The following IKZF1 variants were observed in gnomAD, a reference collection of about 807,000 sequenced individuals.
The protein encoded by IKZF1 is DNA-binding protein Ikaros.
Under a neutral mutation model 51.7 loss-of-function variants are expected in IKZF1, and 10 were observed. The observed-to-expected ratio is 0.19, with a 90% CI of 0.12 to 0.33. The LOEUF is 0.33. IKZF1 is among the 10% of genes least tolerant of loss of function. The pLI is 1.00. For missense variants in IKZF1, 484 were observed against 707.5 expected (o/e 0.68, Z 3.58); for synonymous variants, 280 against 282.3 (o/e 0.99, Z 0.08).
chr7:50,340,627 C>T (rs1798860768), intron 3 of IKZF1, among the ~76,000 whole-genome samples: 1 of 152,200 alleles, frequency 6.6e-6, no homozygotes, highest in African/African-American at 2.4e-5. Context: ...TTCTTGGAAC[C>T]TGGCAGAATT....
intron 1 of IKZF1, among the ~76,000 whole-genome samples, chr7:50,314,362 G>A (rs758041740): frequency 6.6e-6 from 1 of 152,090 alleles, no homozygotes; most frequent in Non-Finnish European, 1.5e-5. Flanking sequence ...CGCCTGCCTC[G>A]GCCTCCCAAA....
At chr7:50,356,011 C>T (rs944405017) in intron 3 of IKZF1, among the ~76,000 whole-genome samples, 4 of 152,206 alleles carry the variant, frequency 2.6e-5, no homozygotes, top group Admixed American at 6.5e-5. Context: ...ACAGAAAATG[C>T]CACAGATGGG....
At position 50,350,215 on chromosome 7, in the gene IKZF1, G is replaced by C. The variant is rs142644210; in HGVS notation, c.160+22458G>C. Among the ~76,000 whole-genome samples the C allele has an allele frequency of 1.4e-3, 220 of 152,342 alleles. 8 individuals carry two copies. The highest frequency in any genetic ancestry group is 0.013 in the Admixed American group (202 of 15,304). ...ATGCTGTATCCTTGAAGGGACCGTGGTCTGACATCCTGTGATGCAGACCTG... is the reference window on the plus strand; with the variant it reads ...ATGCTGTATCCTTGAAGGGACCGTGCTCTGACATCCTGTGATGCAGACCTG... On this transcript the variant is annotated intron_variant, in intron 3 of 7. Coordinates refer to ENST00000331340, the MANE Select transcript of IKZF1 (RefSeq NM_006060.6).
chr7:50,309,401 C>T (rs2153330522), intron 1 of IKZF1, among the ~76,000 whole-genome samples: 1 of 152,140 alleles, frequency 6.6e-6, no homozygotes, highest in South Asian at 2.1e-4. Context: ...TTTTTTCCTC[C>T]CTTGTCTTCT....
chr7:50,325,069 G>A (rs1413213929), intron 2 of IKZF1, among the ~76,000 whole-genome samples: 1 of 152,026 alleles, frequency 6.6e-6, no homozygotes, highest in Admixed American at 6.6e-5. Context: ...TTTACTCATT[G>A]GGATAGCATG....
chr7:50,378,766 A>T (rs145877818), intron 4 of IKZF1, among the ~76,000 whole-genome samples: 5 of 152,320 alleles, frequency 3.3e-5, no homozygotes, highest in African/African-American at 4.8e-5. Context: ...TTACGGAACA[A>T]ATAACTTTCA....
chr7:50,340,494 C>T (rs1798836425), intron 3 of IKZF1, among the ~76,000 whole-genome samples: 4 of 152,354 alleles, frequency 2.6e-5, no homozygotes, highest in Admixed American at 2.0e-4. Flanking sequence ...AGCCCAGTGG[C>T]AGATGTGGCT....
intron 2 of IKZF1, among the ~76,000 whole-genome samples, chr7:50,327,163 T>C (rs1237018836): frequency 3.3e-5 from 5 of 152,220 alleles, no homozygotes; most frequent in Non-Finnish European, 5.9e-5. Context: ...TATTAGGATG[T>C]TCATTACAGT....
chr7:50,391,805 G>A lies in IKZF1; in HGVS notation c.792G>A (p.Leu264=). The A allele has an allele frequency of 6.2e-7, 1 of 1,613,970 alleles. No homozygotes were observed. Among genetic ancestry groups the A allele is most frequent in the Non-Finnish European group, 8.5e-7 (1 of 1,179,894 alleles). The change falls in exon 7 of 8, where the codon CTG becomes CTA. Residue 264 remains leucine (L), a synonymous_variant. Transcript: ENST00000331340. ...TAGGATCAGAGAGATCTCTCGTGCT[G>A]GACAGACTAGCAAGTAACGTCGCCA... The part of the protein sequence containing the change: ...CKIGSERSLV[L]DRLASNVAKR...
rs900320550 is a variant in IKZF1, at chr7:50,403,434, G to C, written c.*2807G>C. Reference sequence around the variant, plus strand: ...GATTCCATGCACTCTCGTTGTGTTTGAAGTAAATATTGGAGACCGGAGGGT... The same window carrying C: ...GATTCCATGCACTCTCGTTGTGTTTCAAGTAAATATTGGAGACCGGAGGGT... On this transcript the variant is annotated 3_prime_UTR_variant, in exon 8 of 8. Transcript: ENST00000331340. The C allele has an allele frequency of 4.4e-5, 10 of 224,788 alleles. No homozygotes were observed. The highest frequency in any genetic ancestry group is 2.2e-4 in the African/African-American group (10 of 44,840). The allele number at this position is 224,788 out of a possible 1,614,324, so 13.9% of individuals were successfully genotyped here.
At chr7:50,315,655 T>C in intron 1 of IKZF1, among the ~76,000 whole-genome samples, 1 of 152,252 alleles carries the variant, frequency 6.6e-6, no homozygotes, top group Non-Finnish European at 1.5e-5. Flanking sequence ...AGTAGAAAAC[T>C]GCGGTACGTT....
At position 50,376,230 on chromosome 7, in the gene IKZF1, A is replaced by G. The variant is rs74828745; in HGVS notation, c.161-303A>G. Among the ~76,000 whole-genome samples, 2,597 of 152,298 alleles carry G rather than the reference A, an allele frequency of 0.017. 25 individuals carry two copies. The highest frequency in any genetic ancestry group is 0.027 in the Non-Finnish European group (1,808 of 68,014). On this transcript the variant is annotated intron_variant, in intron 3 of 7. Transcript: ENST00000331340. This position sits in a 1 kb window ranked among gnomAD's most constrained non-coding sequence, Gnocchi z 4.5. The stretch of plus-strand genomic sequence containing the variant: ...TGAACCTGCTTAAAGTGAGGGCCCA[A>G]TTCTAAAGTGGGAACTATGTAAATA...
rs570007942 is a variant in IKZF1 at position 50,389,777 on chromosome 7, G to A, written c.716-1952G>A. Among the ~76,000 whole-genome samples, 51 of 152,254 alleles carry A rather than the reference G, an allele frequency of 3.3e-4. 1 individual carries two copies. Among genetic ancestry groups the A allele is most frequent in the Middle Eastern group, 3.4e-3 (1 of 294 alleles). On this transcript the variant is annotated intron_variant, in intron 6 of 7. Coordinates refer to ENST00000331340, the MANE Select transcript of IKZF1 (RefSeq NM_006060.6). ...CTGAACTGTGCTTAGGGCCAGGAAG[G>A]CAGGCAGGGGCTTGGTCATTTCAGC... is the stretch of plus-strand genomic sequence containing the variant.
At chr7:50,381,922 C>T (rs760361074) in intron 4 of IKZF1, among the ~76,000 whole-genome samples, 13 of 152,268 alleles carry the variant, frequency 8.5e-5, no homozygotes, top group African/African-American at 1.4e-4. Flanking sequence ...CTCATCCTCA[C>T]GCTCTCTGTC....
intron 3 of IKZF1, among the ~76,000 whole-genome samples, chr7:50,342,471 G>A (rs963210934): frequency 6.6e-6 from 1 of 152,170 alleles, no homozygotes; most frequent in Non-Finnish European, 1.5e-5. Flanking sequence ...CATGAGGCAG[G>A]TTCCCAGAGA....
Position 50,378,446 on chromosome 7 carries a change from G to A in IKZF1, c.421+1653G>A, listed in dbSNP as rs140129709. Among the ~76,000 whole-genome samples the A allele has an allele frequency of 1.0e-3, 156 of 152,202 alleles. 1 individual carries two copies. The highest frequency in any genetic ancestry group is 3.2e-3 in the African/African-American group (133 of 41,516). ...GTGATAGACACTTAACAGGATACTC[G>A]GGGACCCATGGTAATACATCCCTGA... On this transcript the variant is annotated intron_variant, in intron 4 of 7. Transcript: ENST00000331340.
At chr7:50,358,110 T>C (rs963497718) in intron 3 of IKZF1, among the ~76,000 whole-genome samples, 1 of 152,154 alleles carries the variant, frequency 6.6e-6, no homozygotes, top group Admixed American at 6.5e-5. Flanking sequence ...AGTTGTTCGA[T>C]TTGTAAATGG....
At chr7:50,305,454 G>C (rs1278342181) in intron 1 of IKZF1, among the ~76,000 whole-genome samples, 1 of 152,090 alleles carries the variant, frequency 6.6e-6, no homozygotes, top group Non-Finnish European at 1.5e-5. Flanking sequence ...GGTTACTTGC[G>C]GTTATATTTG....
chr7:50,316,942 A>T (rs544997574), intron 1 of IKZF1, among the ~76,000 whole-genome samples: 1 of 152,376 alleles, frequency 6.6e-6, no homozygotes, highest in Non-Finnish European at 1.5e-5. Flanking sequence ...AGCCAGTAAA[A>T]TGATGATGGT....
Sources: allele counts gnomAD v4.1 joint callset (sites outside exome capture counted in the v4.1 genomes callset), GRCh38; gene constraint gnomAD v4.1.1; non-coding constraint Gnocchi (gnomAD v3.1); transcripts MANE v1.5; gene names NCBI Gene and HGNC (gene_info 2026-07-23, HGNC 2026-07-21).